AFG2A: variants seen among roughly 807,000 people sequenced by gnomAD.
AFG2A encodes the protein ATPase family gene 2 protein homolog A.
At chr4:123,314,087 C>A in the AFG2A span, 1 of 1,471,116 alleles carries the variant, frequency 6.8e-7, no homozygotes, top group Non-Finnish European at 9.0e-7. Context: ...ATTCAAGATG[C>A]TGAAAATCCT....
At chr4:123,176,012 A>C in the AFG2A span, among the ~76,000 whole-genome samples, 1 of 152,178 alleles carries the variant, frequency 6.6e-6, no homozygotes, top group South Asian at 2.1e-4. Flanking sequence ...GGAGAGCTTA[A>C]GAAAGTGGGC....
the AFG2A span, among the ~76,000 whole-genome samples, chr4:123,115,410 G>C: frequency 6.6e-6 from 1 of 152,036 alleles, no homozygotes; most frequent in Non-Finnish European, 1.5e-5. Context: ...TGGGTGCGGC[G>C]ACAGAGTCGC....
chr4:123,312,763 A>C, the AFG2A span, among the ~76,000 whole-genome samples: 1 of 152,208 alleles, frequency 6.6e-6, no homozygotes, highest in African/African-American at 2.4e-5. Flanking sequence ...CCCAGAACTA[A>C]TAGTTACATT....
the AFG2A span, among the ~76,000 whole-genome samples, chr4:123,164,929 G>A: frequency 1.3e-5 from 2 of 152,226 alleles, no homozygotes; most frequent in South Asian, 4.1e-4. Context: ...ATGGCAATAA[G>A]AGTTTGTTGA....
chr4:123,293,391 G>A, the AFG2A span, among the ~76,000 whole-genome samples: 525 of 152,274 alleles, frequency 3.4e-3, 3 homozygotes, highest in African/African-American at 0.012. Flanking sequence ...CTCAAAGGCT[G>A]CACTCTAATT....
chr4:123,069,840 T>C, the AFG2A span, among the ~76,000 whole-genome samples: 3 of 152,198 alleles, frequency 2.0e-5, no homozygotes, highest in Non-Finnish European at 4.4e-5. Context: ...CGTAAAGTAC[T>C]CTAATTACCA....
the AFG2A span, chr4:123,317,497 A>C: frequency 6.6e-6 from 1 of 152,198 alleles, no homozygotes. Context: ...GTGGGGCCTC[A>C]GATCTGCTGA....
chr4:122,984,559 C>G, the AFG2A span, among the ~76,000 whole-genome samples: 1 of 152,088 alleles, frequency 6.6e-6, no homozygotes, highest in Admixed American at 6.5e-5. Flanking sequence ...CAACTTTTCC[C>G]CCATTCAGTA....
chr4:122,970,474 A>AAT, the AFG2A span, among the ~76,000 whole-genome samples: 9 of 140,776 alleles, frequency 6.4e-5, no homozygotes, highest in African/African-American at 2.3e-4. Flanking sequence ...TAAAAAAAAA[A>AAT]TTTTTTTTTT....
chr4:122,987,844 T>A, the AFG2A span, among the ~76,000 whole-genome samples: 1 of 152,226 alleles, frequency 6.6e-6, no homozygotes, highest in Non-Finnish European at 1.5e-5. Flanking sequence ...AAATGATTTA[T>A]GTGCTAGTAC....
the AFG2A span, among the ~76,000 whole-genome samples, chr4:123,286,377 A>G: frequency 6.6e-6 from 1 of 152,230 alleles, no homozygotes; most frequent in Admixed American, 6.5e-5. Flanking sequence ...GGTCTGAAGT[A>G]ATTATTTTTA....
the AFG2A span, among the ~76,000 whole-genome samples, chr4:122,997,338 A>C: frequency 6.6e-6 from 1 of 152,198 alleles, no homozygotes; most frequent in Admixed American, 6.5e-5. Context: ...TCTCACTTAG[A>C]TAATCACTTT....
At chr4:123,168,347 T>A in the AFG2A span, among the ~76,000 whole-genome samples, 1 of 151,920 alleles carries the variant, frequency 6.6e-6, no homozygotes, top group Non-Finnish European at 1.5e-5. Context: ...ATAAAGCAAA[T>A]CTAAGTCCCT....
the AFG2A span, among the ~76,000 whole-genome samples, chr4:123,251,794 G>T: frequency 6.6e-6 from 1 of 151,868 alleles, no homozygotes. Context: ...ATTTTAAGGT[G>T]TACAGAATTG....
the AFG2A span, among the ~76,000 whole-genome samples, chr4:123,060,739 G>T: frequency 6.6e-6 from 1 of 152,144 alleles, no homozygotes; most frequent in Non-Finnish European, 1.5e-5. Context: ...TTTCCCCATT[G>T]TCTTGGCATT....
the AFG2A span, among the ~76,000 whole-genome samples, chr4:123,244,536 T>C: frequency 1.3e-5 from 2 of 152,242 alleles, no homozygotes; most frequent in Non-Finnish European, 2.9e-5. Context: ...AAATCTGTCC[T>C]ACGGCATCTG....
the AFG2A span, among the ~76,000 whole-genome samples, chr4:122,993,611 C>T: frequency 1.3e-5 from 2 of 151,954 alleles, no homozygotes; most frequent in South Asian, 4.1e-4. Context: ...AAATATCAAG[C>T]TTTTGTTTTC....
chr4:123,224,166 T>C, the AFG2A span, among the ~76,000 whole-genome samples: 2 of 152,090 alleles, frequency 1.3e-5, no homozygotes, highest in East Asian at 3.9e-4. Context: ...ACCATTTATT[T>C]ATTTATTTGT....
At chr4:123,249,223 CAAAG>C in the AFG2A span, among the ~76,000 whole-genome samples, 1 of 152,088 alleles carries the variant, frequency 6.6e-6, no homozygotes, top group Non-Finnish European at 1.5e-5. Context: ...CCCTGATAGA[CAAAG>C]AGATAAAATG....
Sources: allele counts gnomAD v4.1 joint callset (sites outside exome capture counted in the v4.1 genomes callset), GRCh38; gene constraint gnomAD v4.1.1; transcripts MANE v1.5; gene names NCBI Gene and HGNC (gene_info 2026-07-23, HGNC 2026-07-21).